The following POU2F1 variants were observed in gnomAD, a reference collection of about 807,000 sequenced individuals.
POU2F1 encodes the protein POU domain, class 2, transcription factor 1.
A neutral mutation model predicts 84.9 loss-of-function variants in POU2F1; 16 were observed. That is an observed-to-expected ratio of 0.19 (90% confidence interval 0.13 to 0.29). POU2F1 has a LOEUF of 0.29. POU2F1 is among the 10% of genes least tolerant of loss of function. The pLI, the probability that POU2F1 is intolerant of heterozygous loss-of-function variation, is 1.00. For synonymous variants in POU2F1, 368 were observed against 368.3 expected (o/e 1.00, Z 0.01); for missense variants, 738 against 942.6 (o/e 0.78, Z 2.84).
At position 167,424,899 on chromosome 1, in the gene POU2F1, TCTC is replaced by T. The variant is rs1030641835; in HGVS notation, c.*9093_*9095del. On this transcript the variant is annotated 3_prime_UTR_variant, in exon 16 of 16. Coordinates refer to ENST00000367866, the MANE Select transcript of POU2F1 (RefSeq NM_002697.4). ...CTTGGTGGGGTAGAGGCCAACCCCT[TCTC>T]CTCTGAGGCCTCAGGGTTCTGTTTC... is the stretch of plus-strand genomic sequence containing the variant. The T allele has an allele frequency of 1.3e-5, 2 of 152,062 alleles. No homozygotes were observed. The highest frequency in any genetic ancestry group is 4.8e-5 in the African/African-American group (2 of 41,378). 9.4% of individuals were successfully genotyped at this position (152,062 alleles called of 1,614,324 possible). A position where few individuals can be genotyped will look rare whatever the true frequency, so the allele number is the denominator to read the frequency against.
chr1:167,399,932 G>A (rs1649078214), intron 12 of POU2F1, among the ~76,000 whole-genome samples: 1 of 138,506 alleles, frequency 7.2e-6, no homozygotes, highest in Non-Finnish European at 1.5e-5. Flanking sequence ...GCCTCCCAAA[G>A]TGCTGGGATT....
chr1:167,406,332 C>G (rs1297994661), intron 13 of POU2F1, among the ~76,000 whole-genome samples: 2 of 152,248 alleles, frequency 1.3e-5, no homozygotes, highest in African/African-American at 2.4e-5. Context: ...ATCCAAAACC[C>G]ATTCATGATG....
chr1:167,237,768 ATATATTT>A (rs1649599203), intron 1 of POU2F1, among the ~76,000 whole-genome samples: 1 of 15,380 alleles, frequency 6.5e-5, no homozygotes, highest in Admixed American at 1.2e-3. Flanking sequence ...ATATATATAT[ATATATTT>A]TTTTTTTTTT....
At chr1:167,291,117 T>C (rs1202475599) in intron 1 of POU2F1, among the ~76,000 whole-genome samples, 1 of 151,818 alleles carries the variant, frequency 6.6e-6, no homozygotes, top group Non-Finnish European at 1.5e-5. Flanking sequence ...GAGGCGTCAG[T>C]GTGAAGAACA....
chr1:167,225,744 C>T, intron 1 of POU2F1, among the ~76,000 whole-genome samples: 1 of 152,170 alleles, frequency 6.6e-6, no homozygotes, highest in Non-Finnish European at 1.5e-5. Context: ...AAGTTGGTCA[C>T]TCATTTTCAT....
intron 1 of POU2F1, among the ~76,000 whole-genome samples, chr1:167,296,477 T>G (rs889361832): frequency 3.3e-5 from 5 of 152,170 alleles, no homozygotes; most frequent in South Asian, 2.1e-4. Context: ...TTTCAAGAGG[T>G]TCTTTGTGAT....
intron 2 of POU2F1, among the ~76,000 whole-genome samples, chr1:167,337,576 A>G (rs1200768934): frequency 6.6e-6 from 1 of 152,130 alleles, no homozygotes; most frequent in Non-Finnish European, 1.5e-5. Context: ...ACGAAGAGGC[A>G]GCAGACCTCA....
intron 1 of POU2F1, among the ~76,000 whole-genome samples, chr1:167,237,768 ATATATTTTTTTTT>A (rs1398547093): frequency 6.5e-5 from 1 of 15,380 alleles, no homozygotes; most frequent in Non-Finnish European, 1.3e-4. Context: ...ATATATATAT[ATATATTTTTTTTT>A]TTTTTTTTTT....
chr1:167,393,701 C>T (rs1319805762), intron 9 of POU2F1, among the ~76,000 whole-genome samples: 1 of 152,054 alleles, frequency 6.6e-6, no homozygotes, highest in Non-Finnish European at 1.5e-5. Flanking sequence ...CCTTCTGTTT[C>T]CAAGGCTGTT....
rs184503572 is a variant in POU2F1 at position 167,278,560 on chromosome 1, G to A, written c.62-53910G>A. Among the ~76,000 whole-genome samples the A allele has an allele frequency of 1.1e-3, 162 of 152,274 alleles. 1 individual carries two copies. Among genetic ancestry groups the A allele is most frequent in the African/African-American group, 3.6e-3 (148 of 41,548 alleles). On this transcript the variant is annotated intron_variant, in intron 1 of 15. Transcript: ENST00000367866. Reference sequence around the variant, plus strand: ...AATCTGATTAGGCTTCAACGATGAAGATAATGTTACATTTATCATTCGACA... The same window carrying A: ...AATCTGATTAGGCTTCAACGATGAAAATAATGTTACATTTATCATTCGACA...
At chr1:167,243,727 C>T (rs1002907093) in intron 1 of POU2F1, among the ~76,000 whole-genome samples, 6 of 152,294 alleles carry the variant, frequency 3.9e-5, no homozygotes, top group South Asian at 4.2e-4. Context: ...CCACCCGCCT[C>T]GGCCTCCCAA....
intron 1 of POU2F1, among the ~76,000 whole-genome samples, chr1:167,330,546 C>T (rs188133515): frequency 8.5e-5 from 13 of 152,284 alleles, no homozygotes; most frequent in African/African-American, 3.1e-4. Context: ...GTAGAAATTA[C>T]ATCTCTTACT....
chr1:167,415,666 C>T lies in POU2F1; in HGVS notation c.2157C>T (p.Ala719=), dbSNP rs370192498. Reference sequence around the variant, plus strand: ...ACCCTGTTAGCTTGGTCTCTGCCGCCGCAGCATCTGCAGGGAACTCTGCAC... The same window carrying T: ...ACCCTGTTAGCTTGGTCTCTGCCGCTGCAGCATCTGCAGGGAACTCTGCAC... ...TSNPVSLVSA[A]AASAGNSAPV... is the part of the protein sequence containing the mutation. Residue 719 remains alanine, a synonymous_variant, in exon 16 of 16, where the codon GCC becomes GCT. Transcript: ENST00000367866. 1.1e-5 allele frequency: 17 copies of T among 1,614,036 alleles called. No individual in the cohort carries two copies. The highest frequency in any genetic ancestry group is 8.0e-5 in the African/African-American group (6 of 74,912).
intron 2 of POU2F1, among the ~76,000 whole-genome samples, chr1:167,352,551 G>A (rs577929934): frequency 2.6e-5 from 4 of 152,290 alleles, no homozygotes; most frequent in Non-Finnish European, 5.9e-5. Flanking sequence ...ACAAATCGGT[G>A]GAAGGCTCGG....
rs567480666 is a variant in POU2F1 at position 167,310,425 on chromosome 1, A to G, written c.62-22045A>G. 2.6e-5 allele frequency among the ~76,000 whole-genome samples: 4 copies of G among 152,242 alleles called. No homozygotes were observed. In the East Asian group the frequency reaches 7.7e-4, roughly 29 times the overall value. ...TCCTATCTATTTCTTTTCATAAGTG[A>G]CATACCTAAAACCAAATGACACAGA... On this transcript the variant is annotated intron_variant, in intron 1 of 15. Transcript: ENST00000367866.
At chr1:167,325,952 C>T (rs989167921) in intron 1 of POU2F1, among the ~76,000 whole-genome samples, 1 of 151,326 alleles carries the variant, frequency 6.6e-6, no homozygotes, top group East Asian at 1.9e-4. Flanking sequence ...CGTTTGTCCC[C>T]TCTTTTAGAA....
At chr1:167,275,481 A>G (rs554699471) in intron 1 of POU2F1, among the ~76,000 whole-genome samples, 2 of 152,128 alleles carry the variant, frequency 1.3e-5, no homozygotes, top group Non-Finnish European at 2.9e-5. Flanking sequence ...TGATATCTCT[A>G]CTTGTTCTTT....
At chr1:167,321,140 G>A (rs954344975) in intron 1 of POU2F1, among the ~76,000 whole-genome samples, 3 of 152,174 alleles carry the variant, frequency 2.0e-5, no homozygotes, top group African/African-American at 2.4e-5. Context: ...AATATTTCTC[G>A]AGTGGGGGCA....
At chr1:167,261,242 G>GT (rs1448130701) in intron 1 of POU2F1, among the ~76,000 whole-genome samples, 6 of 152,160 alleles carry the variant, frequency 3.9e-5, no homozygotes, top group South Asian at 2.1e-4. Context: ...ATTTTATTAG[G>GT]TTTTTTTAAA....
Sources: allele counts gnomAD v4.1 joint callset (sites outside exome capture counted in the v4.1 genomes callset), GRCh38; gene constraint gnomAD v4.1.1; transcripts MANE v1.5; gene names NCBI Gene and HGNC (gene_info 2026-07-23, HGNC 2026-07-21).